PTK2: variants seen among roughly 807,000 people sequenced by gnomAD.
PTK2 encodes protein tyrosine kinase 2.
A neutral mutation model predicts 150.1 loss-of-function variants in PTK2; 45 were observed. The ratio of observed to expected loss-of-function variants is 0.30; its 90% CI spans 0.24 to 0.38. The LOEUF (loss-of-function observed/expected upper bound fraction) is 0.38. Among genes scored for constraint, PTK2 ranks in the 10% least tolerant of loss-of-function variants. PTK2 has a pLI of 1.00. For synonymous variants in PTK2, 432 were observed against 449.2 expected (o/e 0.96, Z 0.48); for missense variants, 919 against 1,307.3 (o/e 0.70, Z 4.58).
intron 14 of PTK2, among the ~76,000 whole-genome samples, chr8:140,775,416 T>C (rs2100077843): frequency 6.6e-6 from 1 of 151,978 alleles, no homozygotes; most frequent in African/African-American, 2.4e-5. Flanking sequence ...GCCCGGGAGA[T>C]GGAGGTTGCA....
intron 5 of PTK2, among the ~76,000 whole-genome samples, chr8:140,850,751 A>C (rs975734605): frequency 9.2e-5 from 14 of 152,124 alleles, no homozygotes; most frequent in Admixed American, 7.9e-4. Flanking sequence ...AGAAAAAAAA[A>C]CTAGGATGGA....
At chr8:140,735,664 G>A (rs192255551) in intron 21 of PTK2, among the ~76,000 whole-genome samples, 2 of 152,200 alleles carry the variant, frequency 1.3e-5, no homozygotes, top group South Asian at 2.1e-4. Context: ...TTATTATCAA[G>A]AAAAATGCTG....
chr8:140,803,523 T>G lies in PTK2; in HGVS notation c.975+20A>C. 1 of 1,573,156 alleles carries G rather than the reference T, an allele frequency of 6.4e-7. No homozygotes were observed. Among genetic ancestry groups the G allele is most frequent in the Non-Finnish European group, 8.7e-7 (1 of 1,142,870 alleles). On this transcript the variant is annotated intron_variant, in intron 11 of 31. Coordinates refer to ENST00000522684, the Ensembl canonical transcript of PTK2. The stretch of plus-strand genomic sequence containing the variant: ...CTATTTAACCATTTTCCCTTAATGA[T>G]GAACGTAACAGTTCCTTACCTCGGG...
At chr8:140,982,910 T>G (rs191588978) in intron 1 of PTK2, among the ~76,000 whole-genome samples, 1 of 152,226 alleles carries the variant, frequency 6.6e-6, no homozygotes, top group Non-Finnish European at 1.5e-5. Flanking sequence ...TGTATATGTT[T>G]GAAAACTTCT....
rs76843233 is a variant in PTK2, at chr8:140,985,692, C to T, written c.-122+15433G>A. On this transcript the variant is annotated intron_variant, in intron 1 of 31. Transcript: ENST00000522684. ...CCCCACAGTGCCCTGCAACTTTGCACAGCACTATGACTGCCTAAGGGCAGG... is the reference window on the plus strand; with the variant it reads ...CCCCACAGTGCCCTGCAACTTTGCATAGCACTATGACTGCCTAAGGGCAGG... 3.4e-3 allele frequency among the ~76,000 whole-genome samples: 522 copies of T among 152,324 alleles called. 6 individuals carry two copies. The highest frequency in any genetic ancestry group is 0.012 in the African/African-American group (505 of 41,574).
At chr8:140,824,844 T>C (rs1251227780) in intron 8 of PTK2, among the ~76,000 whole-genome samples, 1 of 152,218 alleles carries the variant, frequency 6.6e-6, no homozygotes. Context: ...AAACAAGGCA[T>C]CTACGCACAC....
chr8:140,900,742 G>A (rs933662041), intron 2 of PTK2, among the ~76,000 whole-genome samples: 2 of 151,644 alleles, frequency 1.3e-5, no homozygotes, highest in Non-Finnish European at 2.9e-5. Context: ...AAAAAAGGAA[G>A]AAATTGAAGA....
chr8:140,730,289 C>T (rs2100048447), intron 22 of PTK2, among the ~76,000 whole-genome samples: 1 of 152,180 alleles, frequency 6.6e-6, no homozygotes, highest in East Asian at 1.9e-4. Context: ...TACAAATTTC[C>T]ACCAACAGTG....
chr8:140,793,592 T>A lies in PTK2; in HGVS notation c.1094-208A>T, dbSNP rs540839624. Among the ~76,000 whole-genome samples, 24 of 152,292 alleles carry A rather than the reference T, an allele frequency of 1.6e-4. 1 individual carries two copies. The East Asian group carries it at 4.2e-3, about 27-fold the overall frequency. On this transcript the variant is annotated intron_variant, in intron 12 of 31. Coordinates refer to ENST00000522684, the Ensembl canonical transcript of PTK2. ...TAAACTGAGTATTAGATACAATTGTTTAAAGGGTACTGCCTAATCATAATA... is the reference window on the plus strand; with the variant it reads ...TAAACTGAGTATTAGATACAATTGTATAAAGGGTACTGCCTAATCATAATA...
intron 11 of PTK2, among the ~76,000 whole-genome samples, chr8:140,802,439 A>G (rs1423158100): frequency 6.6e-6 from 1 of 152,212 alleles, no homozygotes; most frequent in African/African-American, 2.4e-5. Context: ...TACAAGAGTC[A>G]AAAAAGCCGA....
chr8:140,785,390 T>C (rs1657979310), intron 14 of PTK2, among the ~76,000 whole-genome samples: 2 of 152,220 alleles, frequency 1.3e-5, no homozygotes, highest in Admixed American at 1.3e-4. Context: ...GTTCATGGTT[T>C]TGTGGACAAG....
chr8:140,830,888 C>T (rs1173899972), intron 7 of PTK2, among the ~76,000 whole-genome samples: 1 of 152,144 alleles, frequency 6.6e-6, no homozygotes, highest in East Asian at 1.9e-4. Flanking sequence ...TCACTTCCAA[C>T]TGGGTAATAC....
intron 2 of PTK2, among the ~76,000 whole-genome samples, chr8:140,899,487 T>A (rs2100157606): frequency 6.6e-6 from 1 of 152,164 alleles, no homozygotes; most frequent in Non-Finnish European, 1.5e-5. Context: ...AAAACCTCAA[T>A]AAGCCAATTG....
chr8:140,797,819 T>C (rs537814619), intron 12 of PTK2, among the ~76,000 whole-genome samples: 1 of 152,286 alleles, frequency 6.6e-6, no homozygotes, highest in East Asian at 1.9e-4. Context: ...TTTATTTTTA[T>C]TTTTTAAAAT....
chr8:140,974,522 A>G (rs2100188547), intron 1 of PTK2, among the ~76,000 whole-genome samples: 1 of 152,226 alleles, frequency 6.6e-6, no homozygotes, highest in South Asian at 2.1e-4. Flanking sequence ...AGGGAAAAAC[A>G]TTCCAATTGC....
intron 2 of PTK2, among the ~76,000 whole-genome samples, chr8:140,902,921 G>GTTGTTTTTTGTTTTTTTTT (rs1555356000): frequency 6.0e-5 from 4 of 66,826 alleles, no homozygotes; most frequent in Non-Finnish European, 5.1e-5. Flanking sequence ...TCTGATGAGA[G>GTTGTTTTTTGTTTTTTTTT]TTGTTTTTTT....
At chr8:140,886,050 A>G (rs2100152141) in intron 3 of PTK2, among the ~76,000 whole-genome samples, 2 of 152,172 alleles carry the variant, frequency 1.3e-5, no homozygotes, top group Admixed American at 6.6e-5. Flanking sequence ...GCTCAAAGAA[A>G]GGGGTAGCAG....
In PTK2 at chr8:140,762,390, TG is replaced by T; in HGVS notation, c.1235-1129del. On this transcript the variant is annotated intron_variant, in intron 15 of 31. Transcript: ENST00000522684. The stretch of plus-strand genomic sequence containing the variant: ...TACCTTCATCTATTCCATAGCTTTC[TG>T]TATTGCAATTAAGAGAGAAAAAAAT... 8.6e-7 allele frequency: 1 copy of T among 1,163,042 alleles called. No homozygotes were observed. The highest frequency in any genetic ancestry group is 1.7e-5 in the African/African-American group (1 of 60,118). The allele number at this position is 1,163,042 out of a possible 1,614,324, so 72.0% of individuals were successfully genotyped here.
At position 140,979,611 on chromosome 8, in the gene PTK2, C is replaced by T. The variant is rs149209811; in HGVS notation, c.-122+21514G>A. 5.9e-3 allele frequency among the ~76,000 whole-genome samples: 903 copies of T among 152,240 alleles called. 14 individuals carry two copies. The highest frequency in any genetic ancestry group is 0.02 in the African/African-American group (815 of 41,532). On this transcript the variant is annotated intron_variant, in intron 1 of 31. Transcript: ENST00000522684. ...AGGATGTGGAACAACAGGAGTGATA[C>T]AGTTTGGCTGTGTCCCCACCCAAAT...
Sources: allele counts gnomAD v4.1 joint callset (sites outside exome capture counted in the v4.1 genomes callset), GRCh38; gene constraint gnomAD v4.1.1; transcripts MANE v1.5; gene names NCBI Gene and HGNC (gene_info 2026-07-23, HGNC 2026-07-21).